PTPN11: variants seen among roughly 807,000 people sequenced by gnomAD.
PTPN11 encodes the protein protein tyrosine phosphatase non-receptor type 11.
Under a neutral mutation model 78.8 loss-of-function variants are expected in PTPN11, and 6 were observed. The observed-to-expected ratio is 0.08, with a 90% CI of 0.04 to 0.15. PTPN11 has a LOEUF of 0.15. Among genes scored for constraint, PTPN11 ranks in the 10% least tolerant of loss-of-function variants. PTPN11 has a pLI of 1.00. For synonymous variants in PTPN11, 221 were observed against 263.5 expected (o/e 0.84, Z 1.56); for missense variants, 386 against 744.8 (o/e 0.52, Z 5.61).
At chr12:112,443,582 C>G (rs1453796293) in intron 1 of PTPN11, among the ~76,000 whole-genome samples, 1 of 151,802 alleles carries the variant, frequency 6.6e-6, no homozygotes, top group South Asian at 2.1e-4. Flanking sequence ...TCTCGAACTC[C>G]TGACCTCATG....
intron 13 of PTPN11, among the ~76,000 whole-genome samples, chr12:112,495,156 A>G (rs1052911562): frequency 1.3e-5 from 2 of 152,242 alleles, no homozygotes; most frequent in African/African-American, 4.8e-5. Context: ...TTACCTAACC[A>G]TGATACATTT....
chr12:112,474,426 C>T (rs957538526), intron 7 of PTPN11, among the ~76,000 whole-genome samples: 1 of 152,042 alleles, frequency 6.6e-6, no homozygotes, highest in African/African-American at 2.4e-5. Flanking sequence ...CTATGTTGCC[C>T]AGGCTGGTCT....
At chr12:112,468,868 A>AG (rs1304103158) in intron 6 of PTPN11, among the ~76,000 whole-genome samples, 1 of 152,234 alleles carries the variant, frequency 6.6e-6, no homozygotes, top group African/African-American at 2.4e-5. Flanking sequence ...GTGCGAGACC[A>AG]GCCTGGGCAA....
chr12:112,449,831 C>T lies in PTPN11; in HGVS notation c.138-487C>T, dbSNP rs941591980. On this transcript the variant is annotated intron_variant, in intron 2 of 15. Coordinates refer to ENST00000351677, the MANE Select transcript of PTPN11 (RefSeq NM_002834.5). Reference sequence around the variant, plus strand: ...CTGTAATCTCAGCACTTTGGGAGGCCGAGGTGGGTGGATCACCTGTGGTTA... The same window carrying T: ...CTGTAATCTCAGCACTTTGGGAGGCTGAGGTGGGTGGATCACCTGTGGTTA... 1.3e-4 allele frequency among the ~76,000 whole-genome samples: 19 copies of T among 151,880 alleles called. 1 individual carries two copies. The highest frequency in any genetic ancestry group is 4.6e-4 in the Admixed American group (7 of 15,226).
Position 112,453,335 on chromosome 12 carries a change from G to A in PTPN11, c.473G>A (p.Gly158Glu), listed in dbSNP as rs1555267825. The A allele has an allele frequency of 6.2e-7, 1 of 1,614,070 alleles. No homozygotes were observed. Among genetic ancestry groups the A allele is most frequent in the Non-Finnish European group, 8.5e-7 (1 of 1,180,024 alleles). Reference sequence around the variant, plus strand: ...TCTGTGCGCACTGGTGATGACAAAGGGGAGAGCAATGACGGCAAGTCTAAA... The same window carrying A: ...TCTGTGCGCACTGGTGATGACAAAGAGGAGAGCAATGACGGCAAGTCTAAA... ...VLSVRTGDDK[G>E]ESNDGKSKVT... Residue 158 changes from glycine (G) to glutamate (E), a missense_variant, in exon 4 of 16, where the codon GGG (glycine) becomes GAG (glutamate). By Grantham distance (98) the Gly-to-Glu change is moderately conservative. This residue lies in a region of PTPN11 where 279 missense variants were observed against 503.3 expected (regional missense o/e 0.55). Transcript: ENST00000351677.
intron 13 of PTPN11, among the ~76,000 whole-genome samples, chr12:112,493,504 T>C (rs973222970): frequency 6.7e-6 from 1 of 149,922 alleles, no homozygotes; most frequent in African/African-American, 2.5e-5. Context: ...TTCTCCCACC[T>C]CAGCCTCCCA....
At chr12:112,474,356 C>G (rs1342555700) in intron 7 of PTPN11, among the ~76,000 whole-genome samples, 2 of 152,078 alleles carry the variant, frequency 1.3e-5, no homozygotes, top group African/African-American at 4.8e-5. Context: ...GAGTGAGACT[C>G]TGTCTCAAAA....
At chr12:112,438,070 C>T (rs753146734) in intron 1 of PTPN11, among the ~76,000 whole-genome samples, 3 of 152,104 alleles carry the variant, frequency 2.0e-5, no homozygotes, top group South Asian at 2.1e-4. Flanking sequence ...TTTCACACTT[C>T]GGGTGGACTT....
rs2038915172 is a variant in PTPN11, at chr12:112,504,891, A to G, written c.*32+95A>G. Reference sequence around the variant, plus strand: ...ATTTGGGAATGTTTTAGCAAAGTGTACCATAATTGAGTTTTACAAACCAGG... The same window carrying G: ...ATTTGGGAATGTTTTAGCAAAGTGTGCCATAATTGAGTTTTACAAACCAGG... On this transcript the variant is annotated intron_variant, in intron 15 of 15. Transcript: ENST00000351677. The surrounding 1 kb of genome is among the most constrained non-coding windows in gnomAD (Gnocchi z 4.7). The G allele has an allele frequency of 6.3e-6, 5 of 787,962 alleles. No individual in the cohort carries two copies. The highest frequency in any genetic ancestry group is 1.1e-5 in the Non-Finnish European group (5 of 472,446). 48.8% of individuals were successfully genotyped at this position (787,962 alleles called of 1,614,324 possible). A position where few individuals can be genotyped will look rare whatever the true frequency, so the allele number is the denominator to read the frequency against.
chr12:112,450,225 T>G, intron 2 of PTPN11, 93 bp from the exon 3 acceptor site: 2 of 1,206,848 alleles, frequency 1.7e-6, no homozygotes, highest in Non-Finnish European at 2.5e-6. Context: ...CTTTCAACAC[T>G]TAGGTAAAAT....
At position 112,486,612 on chromosome 12, in the gene PTPN11, G is replaced by A. The variant is rs771967829; in HGVS notation, c.1362G>A (p.Pro454=). The A allele has an allele frequency of 5.2e-5, 84 of 1,612,756 alleles. No homozygotes were observed. Among genetic ancestry groups the A allele is most frequent in the African/African-American group, 1.2e-4 (9 of 74,898 alleles). The change falls in exon 11 of 16, where the codon CCG becomes CCA. Residue 454 remains proline (P), a synonymous_variant. Transcript: ENST00000351677. ...AGGAGAGCATCATGGATGCAGGGCCGGTCGTGGTGCACTGCAGGTGACAGC... is the reference window on the plus strand; with the variant it reads ...AGGAGAGCATCATGGATGCAGGGCCAGTCGTGGTGCACTGCAGGTGACAGC... The part of the protein sequence containing the change: ...HKQESIMDAG[P]VVVHCSAGIG...
chr12:112,446,941 C>T (rs764742052), intron 2 of PTPN11, among the ~76,000 whole-genome samples: 1 of 152,064 alleles, frequency 6.6e-6, no homozygotes, highest in Non-Finnish European at 1.5e-5. Flanking sequence ...TCACAGCTTA[C>T]AGCAGCCTTG....
intron 6 of PTPN11, among the ~76,000 whole-genome samples, chr12:112,472,080 T>A (rs1447865104): frequency 6.6e-6 from 1 of 152,196 alleles, no homozygotes; most frequent in African/African-American, 2.4e-5. Flanking sequence ...CTTCAGGTAA[T>A]CCTGAAGTGC....
At chr12:112,457,936 G>A (rs1051114387) in intron 6 of PTPN11, among the ~76,000 whole-genome samples, 1 of 152,164 alleles carries the variant, frequency 6.6e-6, no homozygotes, top group Non-Finnish European at 1.5e-5. Context: ...ATAAATGTTT[G>A]TTGAATGAGA....
intron 3 of PTPN11, among the ~76,000 whole-genome samples, chr12:112,451,195 A>G (rs1185698066): frequency 1.3e-5 from 2 of 152,162 alleles, no homozygotes; most frequent in African/African-American, 4.8e-5. Flanking sequence ...GTCTTCAGGT[A>G]TGATTTTTTC....
chr12:112,456,827 C>T (rs1411297538), intron 6 of PTPN11, among the ~76,000 whole-genome samples: 1 of 152,040 alleles, frequency 6.6e-6, no homozygotes, highest in African/African-American at 2.4e-5. Context: ...AACTCTTGGG[C>T]TCAAGTGATC....
chr12:112,458,561 A>G (rs1220122628), intron 6 of PTPN11, among the ~76,000 whole-genome samples: 1 of 152,230 alleles, frequency 6.6e-6, no homozygotes, highest in East Asian at 1.9e-4. Context: ...TGTGGAATAG[A>G]ACATTCTCAG....
In PTPN11 at chr12:112,450,016, G is replaced by A. The variant is rs189699675; in HGVS notation, c.138-302G>A. 2.2e-3 allele frequency among the ~76,000 whole-genome samples: 335 copies of A among 151,598 alleles called. 1 individual carries two copies. The highest frequency in any genetic ancestry group is 6.8e-3 in the Middle Eastern group (2 of 292). On this transcript the variant is annotated intron_variant, in intron 2 of 15. Coordinates refer to ENST00000351677, the MANE Select transcript of PTPN11 (RefSeq NM_002834.5). Reference sequence around the variant, plus strand: ...GATTTATAATGTATGTAAATCCACCGCGAAGGTTGCGGTGAACCGAGATCA... The same window carrying A: ...GATTTATAATGTATGTAAATCCACCACGAAGGTTGCGGTGAACCGAGATCA...
At chr12:112,440,896 C>CA (rs964444288) in intron 1 of PTPN11, among the ~76,000 whole-genome samples, 46 of 151,298 alleles carry the variant, frequency 3.0e-4, no homozygotes, top group African/African-American at 1.0e-3. Context: ...GACAAGCTCT[C>CA]AGAGAGAGTA....
Sources: allele counts gnomAD v4.1 joint callset (sites outside exome capture counted in the v4.1 genomes callset), GRCh38; gene constraint gnomAD v4.1.1; regional missense constraint gnomAD v4.1.1; non-coding constraint Gnocchi (gnomAD v3.1); transcripts MANE v1.5; gene names NCBI Gene and HGNC (gene_info 2026-07-23, HGNC 2026-07-21).